Variants in SPATS1 observed in about 807,000 individuals in gnomAD.
SPATS1 encodes spermatogenesis associated serine rich 1.
SPATS1 carries 23 observed loss-of-function variants against 33.6 expected under a neutral mutation model. The ratio of observed to expected loss-of-function variants is 0.68; its 90% CI spans 0.49 to 0.97. The LOEUF (loss-of-function observed/expected upper bound fraction) is 0.97, where lower values mean the gene tolerates loss of function less well. Among genes scored for constraint, SPATS1 ranks in the 50% least tolerant of loss-of-function variants. SPATS1 has a pLI of 0.00. For missense variants in SPATS1, 327 were observed against 361.0 expected, an observed-to-expected ratio of 0.91 and a Z score of 0.76; for synonymous variants, 131 against 125.6, an observed-to-expected ratio of 1.04 and a Z score of -0.29.
intron 7 of SPATS1, among the ~76,000 whole-genome samples, chr6:44,374,147 TA>T (rs1301923773): frequency 2.0e-4 from 30 of 152,364 alleles, no homozygotes; most frequent in African/African-American, 7.2e-4. Context: ...TTAGGTCACT[TA>T]ATATTTATTT....
At chr6:44,373,533 G>C (rs1217012828) in intron 7 of SPATS1, among the ~76,000 whole-genome samples, 2 of 152,156 alleles carry the variant, frequency 1.3e-5, no homozygotes, top group African/African-American at 4.8e-5. Context: ...GTTATTTGAT[G>C]AATCAGTTTT....
At position 44,377,072 on chromosome 6, in the gene SPATS1, A is replaced by G. The variant is rs752611764; in HGVS notation, c.*9A>G. The G allele has an allele frequency of 1.9e-6, 3 of 1,614,120 alleles. No homozygotes were observed. In the African/African-American group the frequency reaches 4.0e-5, roughly 22 times the overall value. Reference sequence around the variant, plus strand: ...TTCCAAGACAATCCTGAGCATAAACAGGCCCACAAAACATGTGCTGACTGC... The same window carrying G: ...TTCCAAGACAATCCTGAGCATAAACGGGCCCACAAAACATGTGCTGACTGC... On this transcript the variant is annotated 3_prime_UTR_variant, in exon 9 of 9. Coordinates refer to ENST00000674044, the MANE Select transcript of SPATS1 (RefSeq NM_001372081.1).
At chr6:44,362,786 T>A (rs1561958299) in intron 5 of SPATS1, among the ~76,000 whole-genome samples, 1 of 151,990 alleles carries the variant, frequency 6.6e-6, no homozygotes, top group Non-Finnish European at 1.5e-5. Flanking sequence ...CCATACTAAA[T>A]GAGCTGGGAG....
intron 4 of SPATS1, 190 bp from the exon 5 acceptor site, chr6:44,361,641 G>A: frequency 4.0e-6 from 3 of 754,716 alleles, no homozygotes; most frequent in Non-Finnish European, 4.8e-6. Context: ...GCTCTCCCCT[G>A]ACTTCCCTTC....
intron 7 of SPATS1, among the ~76,000 whole-genome samples, chr6:44,374,390 G>A (rs998587382): frequency 6.6e-6 from 1 of 152,134 alleles, no homozygotes; most frequent in Non-Finnish European, 1.5e-5. Flanking sequence ...CATTATGAAA[G>A]TATCTTTATT....
intron 5 of SPATS1, among the ~76,000 whole-genome samples, chr6:44,364,727 CTTTCTTTCTTTT>C (rs1262853421): frequency 6.7e-6 from 1 of 149,012 alleles, no homozygotes; most frequent in Non-Finnish European, 1.5e-5. Flanking sequence ...TCTTTCTTTT[CTTTCTTTCTTTT>C]TTTCTTTCTG....
At chr6:44,364,568 C>A (rs1290374010) in intron 5 of SPATS1, among the ~76,000 whole-genome samples, 1 of 151,918 alleles carries the variant, frequency 6.6e-6, no homozygotes, top group Non-Finnish European at 1.5e-5. Flanking sequence ...TATATGATTA[C>A]TTCTTAGGTG....
At position 44,352,879 on chromosome 6, in the gene SPATS1, T is replaced by C; in HGVS notation, c.287+6T>C. 6.2e-7 allele frequency: 1 copy of C among 1,613,762 alleles called. No homozygotes were observed. Among genetic ancestry groups the C allele is most frequent in the East Asian group, 2.2e-5 (1 of 44,870 alleles). ...AGAGTGTCTGCTTACGTAGAGTAAG[T>C]AAGGGTCTGGTGCAGAGCTGTCACG... is the stretch of plus-strand genomic sequence containing the variant. On this transcript the variant is annotated splice_donor_region_variant and intron_variant, in intron 3 of 8. Coordinates refer to ENST00000674044, the MANE Select transcript of SPATS1 (RefSeq NM_001372081.1).
At chr6:44,369,665 C>T (rs951595024) in intron 6 of SPATS1, among the ~76,000 whole-genome samples, 3 of 151,844 alleles carry the variant, frequency 2.0e-5, no homozygotes, top group Non-Finnish European at 2.9e-5. Flanking sequence ...TCAGCCCAGG[C>T]GTTCCAGACC....
chr6:44,346,292 C>A lies in SPATS1; in HGVS notation c.139+3058C>A, dbSNP rs376526345. On this transcript the variant is annotated intron_variant, in intron 2 of 8. Coordinates refer to ENST00000674044, the MANE Select transcript of SPATS1 (RefSeq NM_001372081.1). The stretch of plus-strand genomic sequence containing the variant: ...CAAGACCCTGTCTCAAAAAAAAAAA[C>A]AAACCCACAAAATAACCACCCACTC... 4.6e-4 allele frequency among the ~76,000 whole-genome samples: 44 copies of A among 94,772 alleles called. 1 individual carries two copies. The highest frequency in any genetic ancestry group is 1.1e-3 in the African/African-American group (32 of 28,030). 62.2% of individuals were successfully genotyped at this position (94,772 alleles called of 152,430 possible). A position where few individuals can be genotyped will look rare whatever the true frequency, so the allele number is the denominator to read the frequency against.
intron 7 of SPATS1, among the ~76,000 whole-genome samples, chr6:44,371,337 T>C (rs1225025977): frequency 1.3e-5 from 2 of 151,844 alleles, no homozygotes; most frequent in Non-Finnish European, 2.9e-5. Flanking sequence ...TCGATCAGCA[T>C]ATTCCTCTGT....
intron 6 of SPATS1, among the ~76,000 whole-genome samples, chr6:44,369,732 C>G (rs1789482642): frequency 6.6e-6 from 1 of 151,772 alleles, no homozygotes; most frequent in Non-Finnish European, 1.5e-5. Flanking sequence ...ATTAGCTGGG[C>G]ATGGTGGTGT....
rs758452319 is a variant in SPATS1 at position 44,360,577 on chromosome 6, C to T, written c.412+7C>T. The T allele has an allele frequency of 1.9e-6, 3 of 1,613,928 alleles. No homozygotes were observed. Among genetic ancestry groups the T allele is most frequent in the Non-Finnish European group, 2.5e-6 (3 of 1,179,928 alleles). On this transcript the variant is annotated splice_region_variant and intron_variant, in intron 4 of 8. Coordinates refer to ENST00000674044, the MANE Select transcript of SPATS1 (RefSeq NM_001372081.1). ...CTGCTTAAGTTGCAGACGAGTAAGTCACAGACCCTCCTCCACATGCTTCTG... is the reference window on the plus strand; with the variant it reads ...CTGCTTAAGTTGCAGACGAGTAAGTTACAGACCCTCCTCCACATGCTTCTG...
chr6:44,345,782 A>G (rs999827511), intron 2 of SPATS1, among the ~76,000 whole-genome samples: 3 of 152,190 alleles, frequency 2.0e-5, no homozygotes, highest in African/African-American at 7.2e-5. Context: ...GCTTTTTCAT[A>G]GATACATTTC....
In SPATS1 at chr6:44,361,869, T is replaced by C. The variant is rs1788943813; in HGVS notation, c.451T>C (p.Phe151Leu). ...HRPEWTFYPRFSSNIHTYHVG... is the reference protein window; with the variant it reads ...HRPEWTFYPRLSSNIHTYHVG... ...TCCTGAGTGGACATTTTACCCAAGG[T>C]TTAGCAGCAACATCCACACCTACCA... The change falls in exon 5 of 9, where the codon TTT becomes CTT. Residue 151 changes from phenylalanine (F) to leucine (L), a missense_variant. Phe to Leu is a conservative substitution (Grantham distance 22). Transcript: ENST00000674044. 3 of 1,614,208 alleles carry C rather than the reference T, an allele frequency of 1.9e-6. No individual in the cohort carries two copies. The highest frequency in any genetic ancestry group is 2.5e-6 in the Non-Finnish European group (3 of 1,180,038).
chr6:44,361,687 T>A, intron 4 of SPATS1, 144 bp from the exon 5 acceptor site: 1 of 1,237,874 alleles, frequency 8.1e-7, no homozygotes, highest in Non-Finnish European at 1.1e-6. Flanking sequence ...TCACACTGTC[T>A]CTGATGTAGA....
Position 44,344,391 on chromosome 6 carries a change from G to A in SPATS1, c.139+1157G>A, listed in dbSNP as rs1385445842. ...GGCTCCACAAACCAATTGAAGATAC[G>A]TGTGTGTGTGTGTGTGTGTGTGTGT... On this transcript the variant is annotated intron_variant, in intron 2 of 8. Coordinates refer to ENST00000674044, the MANE Select transcript of SPATS1 (RefSeq NM_001372081.1). 8.2e-5 allele frequency among the ~76,000 whole-genome samples: 5 copies of A among 61,050 alleles called. No homozygotes were observed. The East Asian group carries it at 1.7e-3, about 20-fold the overall frequency. 40.1% of individuals were successfully genotyped at this position (61,050 alleles called of 152,430 possible).
At chr6:44,344,343 T>C (rs973045219) in intron 2 of SPATS1, among the ~76,000 whole-genome samples, 5 of 151,562 alleles carry the variant, frequency 3.3e-5, no homozygotes, top group Non-Finnish European at 7.4e-5. Flanking sequence ...TAACATGGAG[T>C]CTATGGATTT....
chr6:44,353,498 T>G (rs1026698164), intron 3 of SPATS1, among the ~76,000 whole-genome samples: 2 of 152,116 alleles, frequency 1.3e-5, no homozygotes, highest in Non-Finnish European at 2.9e-5. Flanking sequence ...CAATCTTCCC[T>G]TCTTGGCCTC....
Sources: gnomAD v4.1 joint callset for allele counts (sites outside exome capture counted in the v4.1 genomes callset) on GRCh38, gnomAD v4.1.1 for gene constraint, MANE v1.5 for transcripts, NCBI Gene and HGNC (gene_info 2026-07-23, HGNC 2026-07-21) for gene names.